The following SUCLG2 variants were observed in gnomAD, a reference collection of about 807,000 sequenced individuals.
SUCLG2 encodes succinate--CoA ligase [GDP-forming] subunit beta, mitochondrial.
SUCLG2 carries 42 observed loss-of-function variants against 47.9 expected under a neutral mutation model. The observed-to-expected ratio is 0.88, with a 90% confidence interval of 0.69 to 1.14. SUCLG2 has a LOEUF of 1.14. SUCLG2 is among the 50% of genes most tolerant of loss of function. The pLI is 0.00. For missense variants in SUCLG2, 571 were observed against 525.9 expected, an observed-to-expected ratio of 1.09 and a Z score of -0.84; for synonymous variants, 195 against 197.3, an observed-to-expected ratio of 0.99 and a Z score of 0.10.
chr3:67,556,598 C>G (rs984753779), intron 2 of SUCLG2, among the ~76,000 whole-genome samples: 7 of 152,060 alleles, frequency 4.6e-5, no homozygotes, highest in Admixed American at 2.0e-4. Flanking sequence ...GGTCAAGCCA[C>G]AAAACATCCT....
Position 67,400,761 on chromosome 3 carries a change from G to A in SUCLG2, c.1153C>T (p.Leu385Phe). 1.2e-6 allele frequency: 2 copies of A among 1,611,910 alleles called. No homozygotes were observed. Among genetic ancestry groups the A allele is most frequent in the Non-Finnish European group, 1.7e-6 (2 of 1,179,934 alleles). Residue 385 changes from leucine (L) to phenylalanine (F), a missense_variant, in exon 10 of 11, where the codon CTC becomes TTC. By Grantham distance (22) the Leu-to-Phe change is conservative. Coordinates refer to ENST00000307227, the MANE Select transcript of SUCLG2 (RefSeq NM_003848.4). The stretch of plus-strand genomic sequence containing the variant: ...AGCCGGACCACCAGGGGCACCTTGA[G>A]TTCTAGCTCCCGGCAGGCTTTGGTG... ...GITKACRELE[L>F]KVPLVVRLEG...
At chr3:67,381,280 A>G (rs1033835028) in intron 10 of SUCLG2, among the ~76,000 whole-genome samples, 2 of 152,138 alleles carry the variant, frequency 1.3e-5, no homozygotes, top group East Asian at 3.8e-4. Flanking sequence ...GGAAGAAAAG[A>G]ATTAGAGGAA....
chr3:67,579,776 C>T (rs901058102), intron 2 of SUCLG2, among the ~76,000 whole-genome samples: 2 of 152,088 alleles, frequency 1.3e-5, no homozygotes, highest in East Asian at 3.9e-4. Context: ...CGTCAGATAT[C>T]AAAGATACTA....
At chr3:67,398,598 T>C (rs893189918) in intron 10 of SUCLG2, among the ~76,000 whole-genome samples, 29 of 152,076 alleles carry the variant, frequency 1.9e-4, no homozygotes, top group African/African-American at 7.0e-4. Context: ...TCAACCATTG[T>C]GGAAGTCAGT....
chr3:67,609,679 G>A, intron 1 of SUCLG2, 83 bp from the exon 2 acceptor site: 2 of 1,350,784 alleles, frequency 1.5e-6, no homozygotes, highest in South Asian at 1.6e-5. Flanking sequence ...AGTCTTAGAG[G>A]TACTGTTGAC....
intron 10 of SUCLG2, among the ~76,000 whole-genome samples, chr3:67,384,154 G>C (rs1702214138): frequency 6.6e-6 from 1 of 152,190 alleles, no homozygotes; most frequent in Non-Finnish European, 1.5e-5. Flanking sequence ...GGAAATGACT[G>C]AGTGGACCTC....
chr3:67,375,021 A>G lies in SUCLG2; in HGVS notation c.*723T>C. ...ATAAGAATCAGGATTCATTTTTGAC[A>G]CAAAAATGGAAGCTTCCACTCCCAA... On this transcript the variant is annotated 3_prime_UTR_variant, in exon 11 of 11. Transcript: ENST00000307227. 1 of 985,788 alleles carries G rather than the reference A, an allele frequency of 1.0e-6. No individual in the cohort carries two copies. Among genetic ancestry groups the G allele is most frequent in the South Asian group, 4.7e-5 (1 of 21,288 alleles). 61.1% of individuals were successfully genotyped at this position (985,788 alleles called of 1,614,324 possible).
chr3:67,396,479 T>C (rs1702533135), intron 10 of SUCLG2, among the ~76,000 whole-genome samples: 2 of 152,104 alleles, frequency 1.3e-5, no homozygotes, highest in African/African-American at 2.4e-5. Flanking sequence ...CAGGAAGAAG[T>C]TGAATCTCTG....
intron 9 of SUCLG2, among the ~76,000 whole-genome samples, chr3:67,468,273 G>A (rs1026019874): frequency 3.9e-5 from 6 of 152,182 alleles, no homozygotes; most frequent in African/African-American, 1.4e-4. Context: ...CTTCATGAAG[G>A]GCACAGTCTA....
chr3:67,513,526 A>G lies in SUCLG2; in HGVS notation c.661-4623T>C, dbSNP rs192633471. On this transcript the variant is annotated intron_variant, in intron 6 of 10. Coordinates refer to ENST00000307227, the MANE Select transcript of SUCLG2 (RefSeq NM_003848.4). ...ACCCTTGTAAGATGTCTTATTCCAGAGGCTATTCACTAAATGGTTATAAGG... is the reference window on the plus strand; with the variant it reads ...ACCCTTGTAAGATGTCTTATTCCAGGGGCTATTCACTAAATGGTTATAAGG... Among the ~76,000 whole-genome samples the G allele has an allele frequency of 1.1e-3, 168 of 152,324 alleles. 2 individuals are homozygous for G. The highest frequency in any genetic ancestry group is 1.8e-3 in the Non-Finnish European group (125 of 68,032).
At chr3:67,625,201 T>C (rs1160727322) in intron 1 of SUCLG2, among the ~76,000 whole-genome samples, 1 of 152,196 alleles carries the variant, frequency 6.6e-6, no homozygotes. Flanking sequence ...AAGATGACAG[T>C]TCTGGGAGTT....
intron 9 of SUCLG2, 115 bp downstream of exon 9, chr3:67,495,683 T>G: frequency 8.7e-7 from 1 of 1,153,950 alleles, no homozygotes; most frequent in South Asian, 1.6e-5. Flanking sequence ...AAGTTGCATC[T>G]GGGGCTGCAG....
In SUCLG2 at chr3:67,368,002, G is replaced by C. The variant is rs370274620; in HGVS notation, c.1184-7234C>G. Among the ~76,000 whole-genome samples the C allele has an allele frequency of 2.5e-4, 38 of 152,142 alleles. 1 individual carries two copies. In the East Asian group the frequency reaches 6.4e-3, roughly 26 times the overall value. Reference sequence around the variant, plus strand: ...ATGTTTATTTCCTCATTTTTAAAATGGCTACACGATATTCCACTGTTTATA... The same window carrying C: ...ATGTTTATTTCCTCATTTTTAAAATCGCTACACGATATTCCACTGTTTATA... On this transcript the variant is annotated intron_variant, in intron 10 of 10. Transcript: ENST00000493112.
At chr3:67,369,919 T>C (rs1251135240), downstream of SUCLG2, among the ~76,000 whole-genome samples, 1 of 152,238 alleles carries the variant, frequency 6.6e-6, no homozygotes, top group Non-Finnish European at 1.5e-5. Flanking sequence ...AGAAACGTTA[T>C]ACTGATTACA....
chr3:67,426,858 C>A (rs576081149), intron 9 of SUCLG2, among the ~76,000 whole-genome samples: 6 of 151,968 alleles, frequency 3.9e-5, no homozygotes, highest in Admixed American at 2.6e-4. Context: ...ACCCTGGAAG[C>A]GGAGGTTGCA....
chr3:67,640,894 C>T (rs1250231035), intron 1 of SUCLG2, among the ~76,000 whole-genome samples: 1 of 152,124 alleles, frequency 6.6e-6, no homozygotes, highest in African/African-American at 2.4e-5. Context: ...AATTAAGTTA[C>T]AAAACTGTTT....
chr3:67,376,407 A>T, intron 10 of SUCLG2: 1 of 985,406 alleles, frequency 1.0e-6, no homozygotes, highest in South Asian at 4.7e-5. Flanking sequence ...TTCCTGGTGG[A>T]TCTGGAGTAT....
intron 2 of SUCLG2, among the ~76,000 whole-genome samples, chr3:67,548,450 A>G (rs889307173): frequency 6.6e-6 from 1 of 152,234 alleles, no homozygotes; most frequent in Non-Finnish European, 1.5e-5. Context: ...AGTTCCGTGC[A>G]TCAGTACAGT....
At position 67,409,399 on chromosome 3, in the gene SUCLG2, T is replaced by C. The variant is rs142051112; in HGVS notation, c.1063-8548A>G. Among the ~76,000 whole-genome samples the C allele has an allele frequency of 3.0e-3, 457 of 152,196 alleles. 1 individual carries two copies. The highest frequency in any genetic ancestry group is 0.01 in the African/African-American group (434 of 41,530). On this transcript the variant is annotated intron_variant, in intron 9 of 10. Coordinates refer to ENST00000307227, the MANE Select transcript of SUCLG2 (RefSeq NM_003848.4). ...GGTGAGACATCATCATCAATACAGA[T>C]TTTAGATATCAGGCAGTGGAATGGC...
Sources: allele counts gnomAD v4.1 joint callset (sites outside exome capture counted in the v4.1 genomes callset), GRCh38; gene constraint gnomAD v4.1.1; transcripts MANE v1.5; gene names NCBI Gene and HGNC (gene_info 2026-07-23, HGNC 2026-07-21).